AKT3: variants seen among roughly 807,000 people sequenced by gnomAD.
The protein encoded by AKT3 is RAC-gamma serine/threonine-protein kinase.
In AKT3, 15 loss-of-function variants were observed where a neutral mutation model predicts 65.3. The observed-to-expected ratio is 0.23, with a 90% confidence interval of 0.15 to 0.35. The LOEUF is 0.35. Among genes scored for constraint, AKT3 ranks in the 10% least tolerant of loss-of-function variants. The pLI, the probability that AKT3 is intolerant of heterozygous loss-of-function variation, is 1.00. For missense variants in AKT3, 243 were observed against 576.5 expected (o/e 0.42, Z 5.92); for synonymous variants, 206 against 183.8 (o/e 1.12, Z -0.98).
At chr1:243,525,598 A>T (rs1670991282) in intron 12 of AKT3, among the ~76,000 whole-genome samples, 1 of 149,440 alleles carries the variant, frequency 6.7e-6, no homozygotes, top group South Asian at 2.1e-4. Context: ...AAAAAAAAAT[A>T]AAATATCTGA....
At position 243,850,103 on chromosome 1, in the gene AKT3, CG is replaced by C. The variant is rs1253233528; in HGVS notation, c.-177del. The C allele has an allele frequency of 0.013, 941 of 70,796 alleles. 12 individuals are homozygous for C. Among genetic ancestry groups the C allele is most frequent in the Admixed American group, 0.044 (354 of 8,016 alleles). 4.4% of individuals were successfully genotyped at this position (70,796 alleles called of 1,614,324 possible). On this transcript the variant is annotated 5_prime_UTR_variant, in exon 1 of 14. Coordinates refer to ENST00000673466, the MANE Select transcript of AKT3 (RefSeq NM_005465.7). ...CTCGGGCGGCGGCGGAGGATGGAGC[CG>C]GGGGGGGGCGGGGGGAGGAGAGGGG...
chr1:243,585,067 T>A (rs1170494192), intron 8 of AKT3, among the ~76,000 whole-genome samples: 1 of 151,934 alleles, frequency 6.6e-6, no homozygotes, highest in Non-Finnish European at 1.5e-5. Flanking sequence ...GGAGAGAAAA[T>A]CAATGTACAA....
intron 6 of AKT3, 64 bp downstream of exon 6, chr1:243,637,547 G>A (rs2147811760): frequency 2.2e-6 from 3 of 1,378,398 alleles, no homozygotes; most frequent in South Asian, 1.6e-5. Flanking sequence ...GTAAATTCAT[G>A]AGCCCACAAA....
At chr1:243,510,947 A>G (rs900362547) in intron 13 of AKT3, among the ~76,000 whole-genome samples, 2 of 152,274 alleles carry the variant, frequency 1.3e-5, no homozygotes, top group African/African-American at 4.8e-5. Context: ...CTAATGCCAC[A>G]GTCTATGCTG....
chr1:243,797,547 C>T (rs923513105), intron 2 of AKT3, among the ~76,000 whole-genome samples: 4 of 152,092 alleles, frequency 2.6e-5, no homozygotes, highest in Non-Finnish European at 5.9e-5. Flanking sequence ...AGAAAACTTG[C>T]TATTTATGAC....
At chr1:243,720,868 A>C (rs568908884) in intron 2 of AKT3, among the ~76,000 whole-genome samples, 2 of 152,304 alleles carry the variant, frequency 1.3e-5, no homozygotes, top group African/African-American at 4.8e-5. Flanking sequence ...GCATTCTTTT[A>C]AAGTACTTGC....
chr1:243,820,142 A>G (rs1192571592), intron 2 of AKT3, among the ~76,000 whole-genome samples: 1 of 152,008 alleles, frequency 6.6e-6, no homozygotes, highest in Non-Finnish European at 1.5e-5. Context: ...GATGGTCTCG[A>G]TCTCCTGATC....
At chr1:243,727,126 CATA>C (rs985993759) in intron 2 of AKT3, among the ~76,000 whole-genome samples, 12 of 152,168 alleles carry the variant, frequency 7.9e-5, no homozygotes, top group Non-Finnish European at 1.3e-4. Context: ...GCCTAACCTA[CATA>C]ATAAGTGCTG....
rs541186568 is a variant in AKT3, at chr1:243,769,688, G to A, written c.46+73437C>T. 6.5e-4 allele frequency among the ~76,000 whole-genome samples: 99 copies of A among 152,168 alleles called. 1 individual carries two copies. The highest frequency in any genetic ancestry group is 1.2e-3 in the Admixed American group (19 of 15,288). ...AATTTTTAATATATTCTGGATACTA[G>A]GCCCTTATCAGATTCATGATTTACA... On this transcript the variant is annotated intron_variant, in intron 2 of 13. Coordinates refer to ENST00000673466, the MANE Select transcript of AKT3 (RefSeq NM_005465.7).
chr1:243,591,589 A>G (rs1354610027), intron 8 of AKT3, among the ~76,000 whole-genome samples: 1 of 152,212 alleles, frequency 6.6e-6, no homozygotes, highest in African/African-American at 2.4e-5. Flanking sequence ...ATAGAAACAG[A>G]CTGAGAAAAT....
intron 12 of AKT3, among the ~76,000 whole-genome samples, chr1:243,514,394 T>C (rs1345795292): frequency 6.6e-6 from 1 of 152,220 alleles, no homozygotes; most frequent in Admixed American, 6.5e-5. Flanking sequence ...AAATAGTCTC[T>C]GTTTCAAATG....
intron 8 of AKT3, among the ~76,000 whole-genome samples, chr1:243,607,679 G>A (rs1558649240): frequency 6.6e-6 from 1 of 152,160 alleles, no homozygotes; most frequent in Non-Finnish European, 1.5e-5. Context: ...GGAAAGGCAT[G>A]ATTGTGTTTT....
intron 3 of AKT3, among the ~76,000 whole-genome samples, chr1:243,694,584 C>T (rs1355343758): frequency 6.6e-6 from 1 of 151,064 alleles, no homozygotes; most frequent in Non-Finnish European, 1.5e-5. Context: ...ATCTTTTAAC[C>T]CTTTGGTTTA....
intron 2 of AKT3, among the ~76,000 whole-genome samples, chr1:243,806,265 A>C (rs1558828887): frequency 6.6e-6 from 1 of 152,284 alleles, no homozygotes; most frequent in East Asian, 1.9e-4. Flanking sequence ...ATCTCACCCA[A>C]TAACTATGTC....
intron 5 of AKT3, among the ~76,000 whole-genome samples, chr1:243,641,477 A>T (rs1398269061): frequency 6.6e-6 from 1 of 151,954 alleles, no homozygotes; most frequent in Admixed American, 6.6e-5. Flanking sequence ...ATTTAAAAGC[A>T]CTAGAAAATA....
chr1:243,827,201 A>G (rs1043629371), intron 2 of AKT3, among the ~76,000 whole-genome samples: 1 of 152,204 alleles, frequency 6.6e-6, no homozygotes, highest in East Asian at 1.9e-4. Flanking sequence ...GTAGAAAGTG[A>G]TAACTCAGTA....
downstream of AKT3, among the ~76,000 whole-genome samples, chr1:243,498,800 G>C (rs774520040): frequency 6.6e-6 from 1 of 152,222 alleles, no homozygotes; most frequent in Non-Finnish European, 1.5e-5. Flanking sequence ...CTGGAGAGGG[G>C]CAGGCCCACT....
downstream of AKT3, among the ~76,000 whole-genome samples, chr1:243,495,029 G>A (rs555242417): frequency 1.6e-4 from 24 of 152,340 alleles, no homozygotes; most frequent in African/African-American, 5.8e-4. Context: ...TATTTACCAT[G>A]GAAACATGGT....
chr1:243,758,568 G>C (rs1321849175), intron 2 of AKT3, among the ~76,000 whole-genome samples: 2 of 152,152 alleles, frequency 1.3e-5, no homozygotes, highest in African/African-American at 4.8e-5. Context: ...TGGCACCAGG[G>C]ACCAGTTTCA....
Sources: gnomAD v4.1 joint callset for allele counts (sites outside exome capture counted in the v4.1 genomes callset) on GRCh38, gnomAD v4.1.1 for gene constraint, MANE v1.5 for transcripts, NCBI Gene and HGNC (gene_info 2026-07-23, HGNC 2026-07-21) for gene names.